The following TNKS variants were observed in gnomAD, a reference collection of about 807,000 sequenced individuals.
TNKS encodes tankyrase, also known as poly [ADP-ribose] polymerase tankyrase-1.
Under a neutral mutation model 135.8 loss-of-function variants are expected in TNKS, and 72 were observed. The observed-to-expected ratio is 0.53, with a 90% CI of 0.44 to 0.64. The LOEUF (loss-of-function observed/expected upper bound fraction) is 0.64, where lower values mean the gene tolerates loss of function less well. TNKS is among the 30% of genes least tolerant of loss of function. The pLI is 0.00. For missense variants in TNKS, 1,769 were observed against 1,674.0 expected, an observed-to-expected ratio of 1.06 and a Z score of -0.99; for synonymous variants, 849 against 649.3, an observed-to-expected ratio of 1.31 and a Z score of -4.68.
rs560659835 is a variant in TNKS, at chr8:9,562,486, C to T, written c.673+5874C>T. ...ACATTTTATCAGATGTGACTATATC[C>T]ACTTCAGTATTCTTATGCTGTGTGT... is the stretch of plus-strand genomic sequence containing the variant. On this transcript the variant is annotated intron_variant, in intron 1 of 26. Coordinates refer to ENST00000310430, the MANE Select transcript of TNKS (RefSeq NM_003747.3). Among the ~76,000 whole-genome samples the T allele has an allele frequency of 3.9e-5, 6 of 152,192 alleles. No homozygotes were observed. In the East Asian group the frequency reaches 1.2e-3, roughly 29 times the overall value.
chr8:9,557,240 T>G (rs1815358705), intron 1 of TNKS: 1 of 152,368 alleles, frequency 6.6e-6, no homozygotes, highest in African/African-American at 2.4e-5. Context: ...CACTATTATT[T>G]GTTGTCTAGC....
At chr8:9,677,457 C>G (rs1460143598) in intron 3 of TNKS, among the ~76,000 whole-genome samples, 1 of 152,090 alleles carries the variant, frequency 6.6e-6, no homozygotes, top group Non-Finnish European at 1.5e-5. Context: ...GGTTTTATTA[C>G]CACTCTTATT....
chr8:9,616,401 C>T (rs1035750277), intron 3 of TNKS, among the ~76,000 whole-genome samples: 5 of 152,138 alleles, frequency 3.3e-5, no homozygotes, highest in African/African-American at 1.2e-4. Flanking sequence ...CATCTGAGTC[C>T]TGCTGCCTTT....
At chr8:9,676,185 G>C (rs1168646943) in intron 3 of TNKS, among the ~76,000 whole-genome samples, 1 of 151,454 alleles carries the variant, frequency 6.6e-6, no homozygotes, top group Admixed American at 6.6e-5. Context: ...CTAATTTTTT[G>C]TGTTTTTAGT....
intron 2 of TNKS, among the ~76,000 whole-genome samples, chr8:9,602,886 T>C (rs1261132802): frequency 6.6e-6 from 1 of 152,228 alleles, no homozygotes; most frequent in Admixed American, 6.5e-5. Flanking sequence ...GTATATTTTA[T>C]ACTTAAAGCA....
At chr8:9,633,222 G>A (rs984649847) in intron 3 of TNKS, among the ~76,000 whole-genome samples, 22 of 152,110 alleles carry the variant, frequency 1.4e-4, no homozygotes, top group Non-Finnish European at 4.4e-5. Flanking sequence ...AGGTGATCCG[G>A]AACTGGATTT....
intron 12 of TNKS, among the ~76,000 whole-genome samples, chr8:9,723,066 A>G (rs1219913770): frequency 2.1e-5 from 2 of 95,018 alleles, no homozygotes; most frequent in African/African-American, 6.6e-5. Context: ...AATTTAGAAC[A>G]TGCAGAACTT....
chr8:9,585,419 C>G (rs1251074158), intron 2 of TNKS, among the ~76,000 whole-genome samples: 1 of 152,008 alleles, frequency 6.6e-6, no homozygotes, highest in African/African-American at 2.4e-5. Flanking sequence ...AAAGAGAAAC[C>G]TATCTTGAGA....
chr8:9,618,497 T>C (rs1021252522), intron 3 of TNKS, among the ~76,000 whole-genome samples: 1 of 152,176 alleles, frequency 6.6e-6, no homozygotes, highest in Non-Finnish European at 1.5e-5. Context: ...CTTGAGGGCT[T>C]TCTTTTGTTT....
intron 23 of TNKS, among the ~76,000 whole-genome samples, chr8:9,765,020 C>G (rs111385758): frequency 1.1e-4 from 16 of 152,140 alleles, no homozygotes; most frequent in Non-Finnish European, 1.5e-5. Context: ...AAACAGGAGG[C>G]TAAATCAGCT....
chr8:9,735,353 C>T (rs751737065), intron 16 of TNKS, 24 bp from the exon 17 acceptor site: 2 of 1,598,416 alleles, frequency 1.3e-6, no homozygotes, highest in East Asian at 4.5e-5. Context: ...GACACGTTTC[C>T]TGTATTTTTT....
intron 12 of TNKS, among the ~76,000 whole-genome samples, chr8:9,723,015 T>A (rs1260475959): frequency 2.6e-5 from 4 of 152,126 alleles, no homozygotes; most frequent in African/African-American, 9.6e-5. Context: ...CCTTTAAAAT[T>A]GATTTTTGAA....
At chr8:9,563,408 T>G (rs1034127032) in intron 1 of TNKS, among the ~76,000 whole-genome samples, 1 of 152,180 alleles carries the variant, frequency 6.6e-6, no homozygotes, top group Non-Finnish European at 1.5e-5. Flanking sequence ...AGCCATATGG[T>G]CCCTCTCATA....
At chr8:9,667,271 C>T (rs1802040732) in intron 3 of TNKS, among the ~76,000 whole-genome samples, 1 of 152,178 alleles carries the variant, frequency 6.6e-6, no homozygotes, top group Admixed American at 6.5e-5. Context: ...ATGATCTCTT[C>T]ATTTAAGAAA....
At chr8:9,629,923 C>G (rs947675553) in intron 3 of TNKS, among the ~76,000 whole-genome samples, 1 of 152,138 alleles carries the variant, frequency 6.6e-6, no homozygotes, top group Admixed American at 6.5e-5. Flanking sequence ...ACCTTGTGAT[C>G]CGCCCGCCTC....
intron 1 of TNKS, among the ~76,000 whole-genome samples, chr8:9,576,653 C>G (rs966883449): frequency 1.3e-5 from 2 of 151,970 alleles, no homozygotes. Flanking sequence ...TTAGAAACCA[C>G]CCCTGTGACC....
Position 9,749,453 on chromosome 8 carries a change from T to C in TNKS, c.2832+1241T>C, listed in dbSNP as rs920996425. Among the ~76,000 whole-genome samples, 7 of 151,224 alleles carry C rather than the reference T, an allele frequency of 4.6e-5. No individual in the cohort carries two copies. In the Admixed American group the frequency reaches 4.7e-4, roughly 10 times the overall value. The stretch of plus-strand genomic sequence containing the variant: ...GTGGTTCACTGTGGCTGTCTTTTTT[T>C]TTCCTTTTTTTTCTTTTCTTTTTTT... On this transcript the variant is annotated intron_variant, in intron 18 of 26. Transcript: ENST00000310430.
At chr8:9,615,487 G>T in intron 2 of TNKS, 95 bp from the exon 3 acceptor site, 1 of 897,928 alleles carries the variant, frequency 1.1e-6, no homozygotes, top group Non-Finnish European at 1.6e-6. Flanking sequence ...TTTGTGCAAT[G>T]TATGTTTATG....
chr8:9,679,039 T>C (rs984025348), intron 3 of TNKS, among the ~76,000 whole-genome samples: 3 of 152,166 alleles, frequency 2.0e-5, no homozygotes, highest in African/African-American at 4.8e-5. Context: ...AAGAAATTTG[T>C]TTGTTAGATC....
Sources: allele counts gnomAD v4.1 joint callset (sites outside exome capture counted in the v4.1 genomes callset), GRCh38; gene constraint gnomAD v4.1.1; transcripts MANE v1.5; gene names NCBI Gene and HGNC (gene_info 2026-07-23, HGNC 2026-07-21).